The following LASP1 variants were observed in gnomAD, a reference collection of about 807,000 sequenced individuals.
LASP1 encodes the protein LIM and SH3 protein 1.
LASP1 carries 10 observed loss-of-function variants against 38.6 expected under a neutral mutation model. That is an observed-to-expected ratio of 0.26 (90% confidence interval 0.16 to 0.44). The LOEUF (loss-of-function observed/expected upper bound fraction) is 0.44, where lower values mean the gene tolerates loss of function less well. LASP1 is among the 20% of genes least tolerant of loss of function. The probability of loss-of-function intolerance (pLI) is 1.00; values close to 1 mark genes in which losing one functional copy is unlikely to be tolerated. For missense variants in LASP1, 243 were observed against 375.7 expected (o/e 0.65, Z 2.92); for synonymous variants, 132 against 140.8 (o/e 0.94, Z 0.44).
intron 3 of LASP1, among the ~76,000 whole-genome samples, chr17:38,896,461 C>T (rs1469071530): frequency 6.6e-6 from 1 of 152,196 alleles, no homozygotes; most frequent in Non-Finnish European, 1.5e-5. Context: ...AATGAATGAT[C>T]CTTCCCCAAC....
At chr17:38,902,458 C>T (rs774495641) in intron 4 of LASP1, among the ~76,000 whole-genome samples, 2 of 149,326 alleles carry the variant, frequency 1.3e-5, no homozygotes, top group Non-Finnish European at 3.0e-5. Flanking sequence ...CCGCCCACCT[C>T]GGCCTCCCAA....
intron 4 of LASP1, among the ~76,000 whole-genome samples, chr17:38,902,541 T>C (rs1297780251): frequency 6.6e-6 from 1 of 152,052 alleles, no homozygotes; most frequent in African/African-American, 2.4e-5. Flanking sequence ...CATTGCTAAG[T>C]TGTCCCAACC....
At chr17:38,908,020 C>T (rs1914819999) in intron 4 of LASP1, among the ~76,000 whole-genome samples, 2 of 152,190 alleles carry the variant, frequency 1.3e-5, no homozygotes, top group Non-Finnish European at 2.9e-5. Context: ...ACAGTGCAGC[C>T]CATCATAAGG....
At chr17:38,914,934 GC>G in intron 5 of LASP1, 108 bp from the exon 6 acceptor site, 1 of 956,898 alleles carries the variant, frequency 1.0e-6, no homozygotes, top group Non-Finnish European at 1.7e-6. Flanking sequence ...TGGGGCTTGA[GC>G]CAGGTTGGGG....
chr17:38,890,241 C>T, intron 2 of LASP1, 179 bp from the exon 3 acceptor site: 1 of 593,976 alleles, frequency 1.7e-6, no homozygotes, highest in Non-Finnish European at 3.0e-6. Context: ...CCAGCTGAGT[C>T]TGAGAAACGC....
rs1274925491 is a variant in LASP1 at position 38,920,361 on chromosome 17, C to CT, written c.*1584dup. ...GAAAGAGGGTCCCAGGGCTGCAAAA[C>CT]TGGAAGCACAGCCTCGGGGATGGGG... On this transcript the variant is annotated 3_prime_UTR_variant, in exon 7 of 7. Coordinates refer to ENST00000318008, the MANE Select transcript of LASP1 (RefSeq NM_006148.4). 4 of 346,254 alleles carry CT rather than the reference C, an allele frequency of 1.2e-5. No homozygotes were observed. Among genetic ancestry groups the CT allele is most frequent in the African/African-American group, 4.0e-5 (2 of 49,860 alleles). The allele number at this position is 346,254 out of a possible 1,614,324, so 21.4% of individuals were successfully genotyped here. A position where few individuals can be genotyped will look rare whatever the true frequency, so the allele number is the denominator to read the frequency against.
rs926698909 is a variant in LASP1 at position 38,892,590 on chromosome 17, A to ACACACC, written c.249+2087_249+2088insACACCC. Among the ~76,000 whole-genome samples the ACACACC allele has an allele frequency of 1.0e-4, 14 of 140,462 alleles. No individual in the cohort carries two copies. In the South Asian group the frequency reaches 1.2e-3, roughly 12 times the overall value. The allele number at this position is 140,462 out of a possible 152,430, so 92.1% of individuals were successfully genotyped here. On this transcript the variant is annotated intron_variant, in intron 3 of 6. Coordinates refer to ENST00000318008, the MANE Select transcript of LASP1 (RefSeq NM_006148.4). Reference sequence around the variant, plus strand: ...CACACACACACACACACACACACACACCCTTCTCAGGGGAGAAATTCAAAC... The same window carrying ACACACC: ...CACACACACACACACACACACACACACACACCCCCTTCTCAGGGGAGAAATTCAAAC...
chr17:38,898,691 G>A, intron 4 of LASP1, 172 bp downstream of exon 4: 2 of 675,064 alleles, frequency 3.0e-6, no homozygotes, highest in Middle Eastern at 2.4e-4. Flanking sequence ...CCTCTTCTCT[G>A]TGTACCCCCA....
chr17:38,888,397 C>A (rs1468571208), intron 2 of LASP1, among the ~76,000 whole-genome samples: 1 of 152,084 alleles, frequency 6.6e-6, no homozygotes, highest in Non-Finnish European at 1.5e-5. Flanking sequence ...CCTGCCTCAG[C>A]CTCCTGAGTA....
chr17:38,913,341 C>T (rs1278755602), intron 4 of LASP1, among the ~76,000 whole-genome samples: 12 of 152,180 alleles, frequency 7.9e-5, no homozygotes, highest in Admixed American at 7.2e-4. Context: ...GACAATGTCC[C>T]GCCCTCAGGG....
intron 2 of LASP1, among the ~76,000 whole-genome samples, chr17:38,887,842 G>C (rs1914187915): frequency 6.6e-6 from 1 of 152,214 alleles, no homozygotes; most frequent in African/African-American, 2.4e-5. Context: ...GAAGTCGCCT[G>C]TTTACAGGTA....
chr17:38,879,055 C>T (rs1245844654), intron 2 of LASP1, among the ~76,000 whole-genome samples: 1 of 151,790 alleles, frequency 6.6e-6, no homozygotes, highest in African/African-American at 2.4e-5. Flanking sequence ...AGTACAAACT[C>T]AGTGTTGGGG....
chr17:38,907,031 C>G (rs1049846380), intron 4 of LASP1, among the ~76,000 whole-genome samples: 2 of 152,170 alleles, frequency 1.3e-5, no homozygotes, highest in South Asian at 4.1e-4. Flanking sequence ...TGAGCCAGGC[C>G]CTTGGAAGCT....
At position 38,884,184 on chromosome 17, in the gene LASP1, C is replaced by T. The variant is rs1191867648; in HGVS notation, c.164+6004C>T. Among the ~76,000 whole-genome samples the T allele has an allele frequency of 5.3e-5, 8 of 152,084 alleles. No homozygotes were observed. The East Asian group carries it at 1.5e-3, about 29-fold the overall frequency. On this transcript the variant is annotated intron_variant, in intron 2 of 6. Transcript: ENST00000318008. Reference sequence around the variant, plus strand: ...GCGCTGGGCTTTCGGGTTCGCTATCCTGTTCTTCTGACCCTGGAGTGTGGC... The same window carrying T: ...GCGCTGGGCTTTCGGGTTCGCTATCTTGTTCTTCTGACCCTGGAGTGTGGC...
intron 2 of LASP1, 105 bp from the exon 3 acceptor site, chr17:38,890,315 C>A: frequency 9.5e-7 from 1 of 1,055,814 alleles, no homozygotes; most frequent in Non-Finnish European, 1.4e-6. Flanking sequence ...CCAGGGCGTG[C>A]CCAAGCATAG....
At chr17:38,876,284 T>C (rs1913773554) in intron 1 of LASP1, among the ~76,000 whole-genome samples, 2 of 151,254 alleles carry the variant, frequency 1.3e-5, no homozygotes, top group Non-Finnish European at 2.9e-5. Flanking sequence ...GTTTAAGTGA[T>C]TCTTTTGCCT....
chr17:38,918,570 T>C lies in LASP1; in HGVS notation c.613-35T>C. 1 of 1,541,996 alleles carries C rather than the reference T, an allele frequency of 6.5e-7. No individual in the cohort carries two copies. Among genetic ancestry groups the C allele is most frequent in the Non-Finnish European group, 8.8e-7 (1 of 1,138,952 alleles). On this transcript the variant is annotated intron_variant, in intron 6 of 6. Transcript: ENST00000318008. This position sits in a 1 kb window ranked among gnomAD's most constrained non-coding sequence, Gnocchi z 4.4. ...ATGCTCAGACCCAGGTGAGCCGGCA[T>C]GCAGGGCCCTAGGCTGACCACACTT... is the stretch of plus-strand genomic sequence containing the variant.
chr17:38,914,519 A>G, intron 5 of LASP1, 44 bp downstream of exon 5: 1 of 1,551,758 alleles, frequency 6.4e-7, no homozygotes, highest in Non-Finnish European at 8.7e-7. Flanking sequence ...AGGCGAGGCC[A>G]GTGGGGTGGG....
chr17:38,902,794 C>T (rs1030913673), intron 4 of LASP1, among the ~76,000 whole-genome samples: 1 of 152,058 alleles, frequency 6.6e-6, no homozygotes, highest in African/African-American at 2.4e-5. Context: ...CCTCTGCCTC[C>T]CGGGTTGAAG....
Sources: gnomAD v4.1 joint callset for allele counts (sites outside exome capture counted in the v4.1 genomes callset) on GRCh38, gnomAD v4.1.1 for gene constraint, Gnocchi (gnomAD v3.1) non-coding constraint, MANE v1.5 for transcripts, NCBI Gene and HGNC (gene_info 2026-07-23, HGNC 2026-07-21) for gene names.